MDGA2: variants seen among roughly 807,000 people sequenced by gnomAD.
The protein encoded by MDGA2 is MAM domain containing glycosylphosphatidylinositol anchor 2, also known as MAM domain-containing glycosylphosphatidylinositol anchor protein 2.
In MDGA2, 40 loss-of-function variants were observed where a neutral mutation model predicts 117.8. The ratio of observed to expected loss-of-function variants is 0.34; its 90% CI spans 0.26 to 0.44. The LOEUF is 0.44. MDGA2 is among the 20% of genes least tolerant of loss of function. MDGA2 has a pLI of 1.00. For missense variants in MDGA2, 1,123 were observed against 1,250.6 expected (o/e 0.90, Z 1.54); for synonymous variants, 452 against 439.0 (o/e 1.03, Z -0.37).
intron 5 of MDGA2, among the ~76,000 whole-genome samples, chr14:47,112,350 G>A (rs4898562): frequency 1.3e-5 from 2 of 151,942 alleles, no homozygotes; most frequent in Non-Finnish European, 2.9e-5. Context: ...CCATCACCTA[G>A]GTATTAAGCC....
chr14:47,294,075 TTG>T (rs2139785315), intron 2 of MDGA2, among the ~76,000 whole-genome samples: 1 of 151,710 alleles, frequency 6.6e-6, no homozygotes, highest in African/African-American at 2.4e-5. Flanking sequence ...GAGGCAGGGA[TTG>T]TGAAAGCAGC....
chr14:47,270,591 A>T (rs1212467806), intron 2 of MDGA2, among the ~76,000 whole-genome samples: 2 of 152,194 alleles, frequency 1.3e-5, no homozygotes, highest in African/African-American at 4.8e-5. Flanking sequence ...GGCTCAAATG[A>T]CAAGGTGGCA....
intron 8 of MDGA2, among the ~76,000 whole-genome samples, chr14:46,979,472 A>G (rs1886587424): frequency 6.6e-6 from 1 of 152,200 alleles, no homozygotes; most frequent in African/African-American, 2.4e-5. Context: ...GAAAGCTGAG[A>G]TAAGCCAATA....
intron 8 of MDGA2, among the ~76,000 whole-genome samples, chr14:47,026,999 C>CT (rs760727158): frequency 3.3e-4 from 50 of 151,902 alleles, no homozygotes; most frequent in Non-Finnish European, 6.2e-4. Flanking sequence ...TAGCAAGACT[C>CT]TGTCTCTTAA....
At position 47,053,601 on chromosome 14, in the gene MDGA2, GTATATATATATATATATATATATATATA is replaced by G. The variant is rs373802720; in HGVS notation, c.1525+7620_1525+7647del. ...TAGCAAATACTCCTAGTGTGTATGT[GTATATATATATATATATATATATATATA>G]TATATATATATATATATATATATAT... On this transcript the variant is annotated intron_variant, in intron 7 of 16. Transcript: ENST00000399232. 2.0e-3 allele frequency among the ~76,000 whole-genome samples: 211 copies of G among 107,604 alleles called. 2 individuals are homozygous for G. Among genetic ancestry groups the G allele is most frequent in the African/African-American group, 6.8e-3 (180 of 26,342 alleles). The allele number at this position is 107,604 out of a possible 152,430, so 70.6% of individuals were successfully genotyped here. A position where few individuals can be genotyped will look rare whatever the true frequency, so the allele number is the denominator to read the frequency against.
chr14:47,456,075 G>A (rs1423046921), intron 1 of MDGA2, among the ~76,000 whole-genome samples: 1 of 151,770 alleles, frequency 6.6e-6, no homozygotes, highest in Non-Finnish European at 1.5e-5. Flanking sequence ...AATGGGCTGT[G>A]AAAAAAATAC....
intron 1 of MDGA2, among the ~76,000 whole-genome samples, chr14:47,476,340 AT>A (rs1261327145): frequency 2.0e-5 from 3 of 152,156 alleles, no homozygotes; most frequent in African/African-American, 7.2e-5. Flanking sequence ...AAACAATAAA[AT>A]AATGTTAAAT....
chr14:47,670,501 G>A (rs1191118328), intron 1 of MDGA2, among the ~76,000 whole-genome samples: 3 of 152,084 alleles, frequency 2.0e-5, no homozygotes, highest in Admixed American at 2.0e-4. Context: ...TTGTCAATAG[G>A]ATCTCTAGAA....
At chr14:47,359,640 A>C (rs1344384404) in intron 1 of MDGA2, among the ~76,000 whole-genome samples, 1 of 146,126 alleles carries the variant, frequency 6.8e-6, no homozygotes, top group African/African-American at 2.6e-5. Flanking sequence ...AAAAAAAGCT[A>C]CTCTGGAGGC....
At chr14:46,862,476 T>C (rs1881550133) in intron 14 of MDGA2, among the ~76,000 whole-genome samples, 2 of 149,746 alleles carry the variant, frequency 1.3e-5, no homozygotes, top group Non-Finnish European at 3.0e-5. Context: ...AACCTAGTTC[T>C]CTTAAGTTCT....
At chr14:47,270,546 T>C (rs1470468723) in intron 2 of MDGA2, among the ~76,000 whole-genome samples, 1 of 152,188 alleles carries the variant, frequency 6.6e-6, no homozygotes, top group African/African-American at 2.4e-5. Context: ...AAAGGAATGG[T>C]AATACCACTT....
chr14:47,636,014 T>G (rs1897314241), intron 1 of MDGA2, among the ~76,000 whole-genome samples: 2 of 152,154 alleles, frequency 1.3e-5, no homozygotes, highest in Non-Finnish European at 2.9e-5. Flanking sequence ...GTTGTCTATT[T>G]TAAAATGCTC....
intron 8 of MDGA2, among the ~76,000 whole-genome samples, chr14:46,969,457 T>C (rs138096411): frequency 7.7e-4 from 118 of 152,296 alleles, no homozygotes; most frequent in Non-Finnish European, 1.2e-3. Flanking sequence ...TGGTGTGAGA[T>C]GATATCTCAT....
At chr14:47,528,136 T>G (rs992092665) in intron 1 of MDGA2, among the ~76,000 whole-genome samples, 1 of 152,156 alleles carries the variant, frequency 6.6e-6, no homozygotes, top group Non-Finnish European at 1.5e-5. Flanking sequence ...AACCACCACA[T>G]CCTTTTCACA....
At chr14:47,108,487 C>T (rs569237756) in intron 5 of MDGA2, among the ~76,000 whole-genome samples, 1 of 152,294 alleles carries the variant, frequency 6.6e-6, no homozygotes, top group African/African-American at 2.4e-5. Flanking sequence ...CTTGCCTTAA[C>T]TGATGACATT....
chr14:46,952,124 A>C (rs763284524), intron 9 of MDGA2, among the ~76,000 whole-genome samples: 12 of 151,934 alleles, frequency 7.9e-5, no homozygotes, highest in Non-Finnish European at 1.6e-4. Flanking sequence ...ATTTTCAATA[A>C]AGGAAACTTA....
chr14:47,523,719 T>C (rs1215221089), intron 1 of MDGA2, among the ~76,000 whole-genome samples: 1 of 152,150 alleles, frequency 6.6e-6, no homozygotes, highest in Non-Finnish European at 1.5e-5. Flanking sequence ...TATGTGAGCC[T>C]ATAGCTAGAC....
chr14:47,181,375 C>T (rs1423768343), intron 3 of MDGA2, among the ~76,000 whole-genome samples: 2 of 152,016 alleles, frequency 1.3e-5, no homozygotes, highest in Non-Finnish European at 2.9e-5. Flanking sequence ...TGGAACCAAC[C>T]TAAATGTCCA....
chr14:47,468,247 C>A (rs182867819), intron 1 of MDGA2, among the ~76,000 whole-genome samples: 1 of 151,994 alleles, frequency 6.6e-6, no homozygotes, highest in Non-Finnish European at 1.5e-5. Flanking sequence ...CCTGACTATC[C>A]GTAATCGTAA....
Sources: gnomAD v4.1 joint callset for allele counts (sites outside exome capture counted in the v4.1 genomes callset) on GRCh38, gnomAD v4.1.1 for gene constraint, MANE v1.5 for transcripts, NCBI Gene and HGNC (gene_info 2026-07-23, HGNC 2026-07-21) for gene names.